Variants in TRAPPC10 observed in about 807,000 individuals in gnomAD.
TRAPPC10 encodes the protein trafficking protein particle complex subunit 10.
Under a neutral mutation model 125.5 loss-of-function variants are expected in TRAPPC10, and 23 were observed. The ratio of observed to expected loss-of-function variants is 0.18; its 90% CI spans 0.13 to 0.26. The LOEUF is 0.26. Ranked by LOEUF, TRAPPC10 falls within the 10% of genes least tolerant of loss-of-function variation. The probability of loss-of-function intolerance (pLI) is 1.00; values close to 1 mark genes in which losing one functional copy is unlikely to be tolerated. For missense variants in TRAPPC10, 1,123 were observed against 1,308.4 expected, an observed-to-expected ratio of 0.86 and a Z score of 2.19; for synonymous variants, 509 against 518.0, an observed-to-expected ratio of 0.98 and a Z score of 0.24.
Position 44,084,276 on chromosome 21 carries a change from C to T in TRAPPC10, c.2380+13C>T. 1 of 1,611,758 alleles carries T rather than the reference C, an allele frequency of 6.2e-7. No individual in the cohort carries two copies. Among genetic ancestry groups the T allele is most frequent in the Non-Finnish European group, 8.5e-7 (1 of 1,179,212 alleles). ...GAGCCGCTGGCTGGTGAGTGGGGTC[C>T]CCAGCCTTTGAGGAGGCGTGCTGCT... is the stretch of plus-strand genomic sequence containing the variant. On this transcript the variant is annotated intron_variant, in intron 15 of 22. Transcript: ENST00000291574.
chr21:44,092,096 G>A (rs1450154498), intron 19 of TRAPPC10, 47 bp downstream of exon 19: 2 of 1,606,522 alleles, frequency 1.2e-6, no homozygotes, highest in South Asian at 2.2e-5. Context: ...CAGAGAACCA[G>A]AGTGTACGGA....
intron 3 of TRAPPC10, among the ~76,000 whole-genome samples, chr21:44,045,535 T>C (rs917496236): frequency 6.6e-6 from 1 of 152,124 alleles, no homozygotes; most frequent in Non-Finnish European, 1.5e-5. Context: ...TTTTTTTCTT[T>C]GCATTTTAAG....
At chr21:44,086,296 C>T (rs1350103556) in intron 15 of TRAPPC10, among the ~76,000 whole-genome samples, 1 of 152,246 alleles carries the variant, frequency 6.6e-6, no homozygotes, top group Admixed American at 6.5e-5. Context: ...CAGCTCACTC[C>T]TGCCTCTCAT....
Position 44,075,109 on chromosome 21 carries a change from C to T in TRAPPC10, c.1256C>T (p.Thr419Ile). The T allele has an allele frequency of 6.2e-7, 1 of 1,614,148 alleles. No homozygotes were observed. The highest frequency in any genetic ancestry group is 8.5e-7 in the Non-Finnish European group (1 of 1,180,008). Residue 419 changes from threonine to isoleucine, a missense_variant, in exon 9 of 23, where the codon ACA becomes ATA. By Grantham distance (89) the Thr-to-Ile change is moderately conservative. Transcript: ENST00000291574. ...CCTAACTCAGAAGATCTCAACAGGACAGTTGACCTTTTGGCAGGTTTGGGA... is the reference window on the plus strand; with the variant it reads ...CCTAACTCAGAAGATCTCAACAGGATAGTTGACCTTTTGGCAGGTTTGGGA... Reference protein sequence around the residue: ...KGPNSEDLNRTVDLLAGLGAE... With the variant: ...KGPNSEDLNRIVDLLAGLGAE...
chr21:44,066,007 C>T (rs1313772699), intron 7 of TRAPPC10, among the ~76,000 whole-genome samples: 2 of 152,120 alleles, frequency 1.3e-5, no homozygotes, highest in African/African-American at 4.8e-5. Context: ...GTGTTTTTCT[C>T]TCTTGTGCAG....
chr21:44,093,833 G>A (rs2038746719), intron 19 of TRAPPC10, among the ~76,000 whole-genome samples: 1 of 152,224 alleles, frequency 6.6e-6, no homozygotes, highest in South Asian at 2.1e-4. Flanking sequence ...AAAAGTTAAA[G>A]ATTTACCAAT....
chr21:44,061,587 CA>C (rs1177781628), intron 6 of TRAPPC10, among the ~76,000 whole-genome samples: 1 of 152,142 alleles, frequency 6.6e-6, no homozygotes, highest in Non-Finnish European at 1.5e-5. Context: ...AAATATCTTA[CA>C]TTTTTTTAAA....
At chr21:44,019,871 G>A (rs1041140224) in intron 1 of TRAPPC10, among the ~76,000 whole-genome samples, 2 of 152,196 alleles carry the variant, frequency 1.3e-5, no homozygotes, top group Admixed American at 6.5e-5. Flanking sequence ...TTTGTCCTTC[G>A]TGTACTCCTG....
chr21:44,068,746 G>A (rs2036637096), intron 7 of TRAPPC10, among the ~76,000 whole-genome samples: 1 of 152,002 alleles, frequency 6.6e-6, no homozygotes, highest in Non-Finnish European at 1.5e-5. Flanking sequence ...GATTACAGGT[G>A]CGCACCACCA....
intron 7 of TRAPPC10, among the ~76,000 whole-genome samples, chr21:44,065,000 G>A (rs2036333535): frequency 6.6e-6 from 1 of 152,164 alleles, no homozygotes; most frequent in Non-Finnish European, 1.5e-5. Context: ...GGTTGGGGAC[G>A]GGGCTGTGAG....
intron 1 of TRAPPC10, among the ~76,000 whole-genome samples, chr21:44,024,351 G>A (rs2032854621): frequency 6.6e-6 from 1 of 152,210 alleles, no homozygotes; most frequent in Admixed American, 6.5e-5. Context: ...AACAGGTCTG[G>A]GTGGGGCCTG....
chr21:44,060,915 T>TACATACATACAC (rs60633801), intron 6 of TRAPPC10, among the ~76,000 whole-genome samples: 1 of 132,192 alleles, frequency 7.6e-6, no homozygotes, highest in African/African-American at 3.0e-5. Flanking sequence ...CATACATACA[T>TACATACATACAC]ACACACACAC....
intron 19 of TRAPPC10, 70 bp downstream of exon 19, chr21:44,092,119 T>G: frequency 6.3e-7 from 1 of 1,584,482 alleles, no homozygotes; most frequent in Non-Finnish European, 8.6e-7. Context: ...TGATGTAGTA[T>G]GTGTTGCGAC....
intron 3 of TRAPPC10, among the ~76,000 whole-genome samples, chr21:44,049,596 C>CAT (rs977298005): frequency 9.8e-5 from 15 of 152,332 alleles, no homozygotes; most frequent in African/African-American, 3.4e-4. Flanking sequence ...CACCCTTATA[C>CAT]CTCTGTGCCA....
At chr21:44,062,491 C>G in intron 6 of TRAPPC10, 12 of 974,144 alleles carry the variant, frequency 1.2e-5, no homozygotes, top group Non-Finnish European at 1.5e-5. Flanking sequence ...GGGGGCGGCA[C>G]TGGCACAGAG....
At chr21:44,060,318 C>T (rs2035940639) in intron 6 of TRAPPC10, 1 of 148,642 alleles carries the variant, frequency 6.7e-6, no homozygotes, top group Admixed American at 6.7e-5. Context: ...CACTGTTGCC[C>T]AGGCTGGAGT....
At chr21:44,049,129 G>A (rs945664855) in intron 3 of TRAPPC10, among the ~76,000 whole-genome samples, 5 of 152,120 alleles carry the variant, frequency 3.3e-5, no homozygotes, top group African/African-American at 1.2e-4. Context: ...AGCTTTGCTG[G>A]TGAGCTCTCA....
rs1190260227 is a variant in TRAPPC10 at position 44,059,180 on chromosome 21, C to G, written c.756C>G (p.Leu252=). The change falls in exon 6 of 23, where the codon CTC becomes CTG. Residue 252 remains leucine, a synonymous_variant. Transcript: ENST00000291574. The surrounding 1 kb of genome is among the most constrained non-coding windows in gnomAD (Gnocchi z 4.4). ...TGCAGTACGACGAACTGGACGCCCT[C>G]TTCTCTCAGTATGTGGTCAACTTCG... ...ALVQYDELDA[L]FSQYVVNFGA... is the part of the protein sequence containing the mutation. 1.2e-6 allele frequency: 2 copies of G among 1,611,378 alleles called. No individual in the cohort carries two copies. The highest frequency in any genetic ancestry group is 2.7e-5 in the African/African-American group (2 of 74,716).
At chr21:44,068,398 G>A (rs13050630) in intron 7 of TRAPPC10, among the ~76,000 whole-genome samples, 47,289 of 151,932 alleles carry the variant, frequency 0.31, 10,304 homozygotes, top group African/African-American at 0.62. Flanking sequence ...GGTGAGGCAG[G>A]CTTTGGGGGC....
Sources: allele counts gnomAD v4.1 joint callset (sites outside exome capture counted in the v4.1 genomes callset), GRCh38; gene constraint gnomAD v4.1.1; non-coding constraint Gnocchi (gnomAD v3.1); transcripts MANE v1.5; gene names NCBI Gene and HGNC (gene_info 2026-07-23, HGNC 2026-07-21).